The following SNAP91 variants were observed in gnomAD, a reference collection of about 807,000 sequenced individuals.
SNAP91 encodes clathrin coat assembly protein AP180.
In SNAP91, 27 loss-of-function variants were observed where a neutral mutation model predicts 100.3. That is an observed-to-expected ratio of 0.27 (90% CI 0.20 to 0.37). The LOEUF (loss-of-function observed/expected upper bound fraction) is 0.37. Ranked by LOEUF, SNAP91 falls within the 10% of genes least tolerant of loss-of-function variation. The probability of loss-of-function intolerance (pLI) is 1.00; values close to 1 mark genes in which losing one functional copy is unlikely to be tolerated. For missense variants in SNAP91, 986 were observed against 1,123.7 expected (o/e 0.88, Z 1.75); for synonymous variants, 404 against 398.6 (o/e 1.01, Z -0.16).
At chr6:83,627,488 T>C (rs193118473) in intron 8 of SNAP91, among the ~76,000 whole-genome samples, 2 of 152,072 alleles carry the variant, frequency 1.3e-5, no homozygotes, top group Non-Finnish European at 2.9e-5. Context: ...CCAAGGCTTT[T>C]ATTTCTTAGT....
At chr6:83,658,465 C>T (rs549114938) in intron 6 of SNAP91, among the ~76,000 whole-genome samples, 1 of 151,982 alleles carries the variant, frequency 6.6e-6, no homozygotes, top group Non-Finnish European at 1.5e-5. Flanking sequence ...GAAAATTGGC[C>T]GGGCATGGTG....
intron 16 of SNAP91, among the ~76,000 whole-genome samples, chr6:83,594,801 A>C (rs2094273469): frequency 6.6e-6 from 1 of 152,166 alleles, no homozygotes; most frequent in South Asian, 2.1e-4. Flanking sequence ...GTAAAAATTA[A>C]AACAAAAAAT....
At chr6:83,640,675 T>C (rs2097660166) in intron 8 of SNAP91, among the ~76,000 whole-genome samples, 1 of 152,126 alleles carries the variant, frequency 6.6e-6, no homozygotes. Context: ...ATTGCCAAAG[T>C]AAGAAAGGTA....
intron 21 of SNAP91, 34 bp downstream of exon 21, chr6:83,592,420 GA>G (rs2093891277): frequency 7.3e-7 from 1 of 1,374,824 alleles, no homozygotes; most frequent in Non-Finnish European, 1.0e-6. Context: ...AAGAAAAAAA[GA>G]TTCCTTAAGT....
chr6:83,678,013 A>T (rs1242688622), intron 2 of SNAP91, among the ~76,000 whole-genome samples: 1 of 152,136 alleles, frequency 6.6e-6, no homozygotes, highest in Non-Finnish European at 1.5e-5. Context: ...GTTGCTAGGG[A>T]GATTTTAGAA....
chr6:83,592,463 A>C lies in SNAP91; in HGVS notation c.1922T>G (p.Leu641Arg). 1 of 1,608,606 alleles carries C rather than the reference A, an allele frequency of 6.2e-7. No homozygotes were observed. Among genetic ancestry groups the C allele is most frequent in the Non-Finnish European group, 8.5e-7 (1 of 1,176,814 alleles). ...AKVDSSGVID[L>R]FGDAFGSSAS... ...GGAGGAGAAATACGCACCCCCAAAA[A>C]GGTCTATGACACCTGAAGAATCCAC... is the stretch of plus-strand genomic sequence containing the variant. Residue 641 changes from leucine to arginine, a missense_variant, in exon 21 of 30, where the codon CTT becomes CGT. Physicochemically the swap from Leu to Arg is moderately radical, Grantham distance 102 (BLOSUM62 -2). This residue lies in a region of SNAP91 where 575 missense variants were observed against 579.9 expected (regional missense o/e 0.99). Transcript: ENST00000369694.
At chr6:83,671,644 ATCTC>A (rs2128827546) in intron 2 of SNAP91, among the ~76,000 whole-genome samples, 1 of 152,220 alleles carries the variant, frequency 6.6e-6, no homozygotes, top group Admixed American at 6.6e-5. Flanking sequence ...GATTAATTAA[ATCTC>A]TCTAAGGTGA....
chr6:83,616,683 A>G (rs1225754465), intron 10 of SNAP91, among the ~76,000 whole-genome samples: 3 of 152,084 alleles, frequency 2.0e-5, no homozygotes, highest in Non-Finnish European at 2.9e-5. Context: ...AGGAGTAACT[A>G]TTTTTCCATA....
At chr6:83,587,495 TA>T (rs1279557380) in intron 22 of SNAP91, among the ~76,000 whole-genome samples, 1 of 152,202 alleles carries the variant, frequency 6.6e-6, no homozygotes, top group Non-Finnish European at 1.5e-5. Context: ...CTCATTTATT[TA>T]TTTTTTTTTA....
Position 83,619,046 on chromosome 6 carries a change from T to C in SNAP91, c.808-2007A>G, listed in dbSNP as rs568302536. ...AAAACAAAAAACCCAGGAAGAGAGGTCCCCATTTTATTCGTTTTGTAAAGT... is the reference window on the plus strand; with the variant it reads ...AAAACAAAAAACCCAGGAAGAGAGGCCCCCATTTTATTCGTTTTGTAAAGT... On this transcript the variant is annotated intron_variant, in intron 9 of 29. Transcript: ENST00000369694. 2.0e-5 allele frequency among the ~76,000 whole-genome samples: 3 copies of C among 150,924 alleles called. No individual in the cohort carries two copies. The East Asian group carries it at 5.9e-4, about 30-fold the overall frequency.
At chr6:83,559,627 A>G (rs1784039546) in intron 28 of SNAP91, among the ~76,000 whole-genome samples, 1 of 152,176 alleles carries the variant, frequency 6.6e-6, no homozygotes, top group African/African-American at 2.4e-5. Flanking sequence ...GGGACTCACA[A>G]ATATGTGTCT....
chr6:83,582,712 A>G (rs1364231399), intron 22 of SNAP91, among the ~76,000 whole-genome samples: 1 of 152,228 alleles, frequency 6.6e-6, no homozygotes, highest in African/African-American at 2.4e-5. Flanking sequence ...ATGTTTCTTC[A>G]AATCATAATA....
intron 2 of SNAP91, among the ~76,000 whole-genome samples, chr6:83,676,569 G>A (rs1427052058): frequency 6.6e-6 from 1 of 152,330 alleles, no homozygotes; most frequent in East Asian, 1.9e-4. Context: ...AGTGTGACTG[G>A]AGAAGAGCAA....
intron 22 of SNAP91, 64 bp from the exon 23 acceptor site, chr6:83,582,420 T>A (rs1033653): frequency 0.74 from 1,081,154 of 1,466,906 alleles, 401,554 homozygotes; most frequent in East Asian, 0.9. Flanking sequence ...CCATAAAAAC[T>A]GAATTTAAAA....
At chr6:83,702,214 T>C (rs1388607743) in intron 2 of SNAP91, among the ~76,000 whole-genome samples, 2 of 152,178 alleles carry the variant, frequency 1.3e-5, no homozygotes, top group African/African-American at 4.8e-5. Flanking sequence ...TGTTTGAAGG[T>C]TCTCTTAGTA....
intron 6 of SNAP91, 103 bp from the exon 7 acceptor site, chr6:83,656,968 T>C: frequency 1.7e-6 from 1 of 596,780 alleles, no homozygotes; most frequent in South Asian, 2.2e-5. Context: ...AATTCATGAA[T>C]ATTCTACAAA....
chr6:83,608,692 T>C (rs2095802881), intron 12 of SNAP91, among the ~76,000 whole-genome samples: 1 of 151,668 alleles, frequency 6.6e-6, no homozygotes, highest in African/African-American at 2.4e-5. Flanking sequence ...TTAAAAAGAA[T>C]AATTTGAGGA....
At chr6:83,562,933 T>A (rs6909652) in intron 26 of SNAP91, among the ~76,000 whole-genome samples, 6,578 of 152,264 alleles carry the variant, frequency 0.043, 446 homozygotes, top group African/African-American at 0.15. Flanking sequence ...TCTGTAACTT[T>A]TATTACTTAC....
At chr6:83,597,382 GT>G (rs1271046856) in intron 16 of SNAP91, among the ~76,000 whole-genome samples, 4 of 152,134 alleles carry the variant, frequency 2.6e-5, no homozygotes, top group Admixed American at 6.5e-5. Context: ...TAAATATCTA[GT>G]TTTTTTCATT....
Sources: gnomAD v4.1 joint callset for allele counts (sites outside exome capture counted in the v4.1 genomes callset) on GRCh38, gnomAD v4.1.1 for gene constraint, gnomAD v4.1.1 regional missense constraint, MANE v1.5 for transcripts, NCBI Gene and HGNC (gene_info 2026-07-23, HGNC 2026-07-21) for gene names.